Variants in BMS1 observed in about 807,000 individuals in gnomAD.
BMS1 encodes ribosome biogenesis protein BMS1 homolog.
BMS1 carries 53 observed loss-of-function variants against 138.7 expected under a neutral mutation model. That is an observed-to-expected ratio of 0.38 (90% CI 0.31 to 0.48). The LOEUF (loss-of-function observed/expected upper bound fraction) is 0.48. BMS1 is among the 20% of genes least tolerant of loss of function. The pLI is 0.97. For synonymous variants in BMS1, 504 were observed against 539.9 expected, an observed-to-expected ratio of 0.93 and a Z score of 0.92; for missense variants, 1,360 against 1,565.5, an observed-to-expected ratio of 0.87 and a Z score of 2.22.
intron 21 of BMS1, among the ~76,000 whole-genome samples, chr10:42,825,101 T>C (rs1160642565): frequency 3.3e-5 from 5 of 152,118 alleles, no homozygotes; most frequent in Non-Finnish European, 7.4e-5. Context: ...CTCTGCCTCC[T>C]GGATTCAAGC....
rs781293316 is a variant in BMS1 at position 42,791,733 on chromosome 10, C to T, written c.743C>T (p.Thr248Ile). Residue 248 changes from threonine to isoleucine, a missense_variant, in exon 6 of 23, where the codon ACA (threonine) becomes ATA (isoleucine). Coordinates refer to ENST00000374518, the MANE Select transcript of BMS1 (RefSeq NM_014753.4). The part of the protein sequence containing the change: ...FITVMKFRPL[T>I]WQTSHPYILA... ...ACAGTTATGAAGTTTAGGCCTCTCACATGGCAAACTTCTCACCCTTATATC... is the reference window on the plus strand; with the variant it reads ...ACAGTTATGAAGTTTAGGCCTCTCATATGGCAAACTTCTCACCCTTATATC... 1.8e-5 allele frequency: 29 copies of T among 1,613,126 alleles called. No individual in the cohort carries two copies. The highest frequency in any genetic ancestry group is 2.3e-5 in the Non-Finnish European group (27 of 1,179,668).
At chr10:42,820,784 C>T in intron 17 of BMS1, 96 bp downstream of exon 17, 2 of 1,476,018 alleles carry the variant, frequency 1.4e-6, no homozygotes, top group African/African-American at 1.4e-5. Context: ...AAATTCCACT[C>T]CTAAGATTTT....
chr10:42,808,567 G>A (rs1842080506), intron 13 of BMS1, among the ~76,000 whole-genome samples: 1 of 152,012 alleles, frequency 6.6e-6, no homozygotes, highest in Admixed American at 6.6e-5. Context: ...CCAAAGTGCT[G>A]GGATTACAGG....
rs1284346338 is a variant in BMS1, at chr10:42,833,069, T to A, written c.*1973T>A. Reference sequence around the variant, plus strand: ...GTATTTATAATTGTATAGTTTTATATTTTAGCCAGAAGAGTGGAATCCTTT... The same window carrying A: ...GTATTTATAATTGTATAGTTTTATAATTTAGCCAGAAGAGTGGAATCCTTT... On this transcript the variant is annotated 3_prime_UTR_variant, in exon 23 of 23. Coordinates refer to ENST00000374518, the MANE Select transcript of BMS1 (RefSeq NM_014753.4). 1 of 152,188 alleles carries A rather than the reference T, an allele frequency of 6.6e-6. No homozygotes were observed. The allele number at this position is 152,188 out of a possible 1,614,324, so 9.4% of individuals were successfully genotyped here. A position where few individuals can be genotyped will look rare whatever the true frequency, so the allele number is the denominator to read the frequency against.
chr10:42,809,919 GGGACTACAAGTGTGTGCTA>G (rs1432337256), intron 13 of BMS1, among the ~76,000 whole-genome samples: 2 of 151,510 alleles, frequency 1.3e-5, no homozygotes, highest in East Asian at 3.9e-4. Context: ...CCACGTAGCT[GGGACTACAAGTGTGTGCTA>G]TCATGTCTGG....
chr10:42,826,014 A>G (rs1842627689), intron 21 of BMS1, among the ~76,000 whole-genome samples: 1 of 152,220 alleles, frequency 6.6e-6, no homozygotes, highest in Admixed American at 6.5e-5. Context: ...TTCTGCATCA[A>G]TTGAGGTGAA....
At chr10:42,821,998 A>G in intron 18 of BMS1, 64 bp from the exon 19 acceptor site, 1 of 1,477,604 alleles carries the variant, frequency 6.8e-7, no homozygotes, top group Non-Finnish European at 9.3e-7. Context: ...ATTGTGTCAC[A>G]TAGAATTGAA....
chr10:42,831,518 A>T lies in BMS1; in HGVS notation c.*422A>T. ...AGAAGAGAAAGAAATATTCACTTGA[A>T]CTCTGAGCTCCCATGGAAGATTTTA... On this transcript the variant is annotated 3_prime_UTR_variant, in exon 23 of 23. Transcript: ENST00000374518. 1.2e-5 allele frequency: 2 copies of T among 171,310 alleles called. No individual in the cohort carries two copies. The highest frequency in any genetic ancestry group is 2.7e-4 in the South Asian group (2 of 7,312). The allele number at this position is 171,310 out of a possible 1,614,324, so 10.6% of individuals were successfully genotyped here.
At chr10:42,812,650 AC>A (rs1187034094) in intron 13 of BMS1, among the ~76,000 whole-genome samples, 1 of 152,140 alleles carries the variant, frequency 6.6e-6, no homozygotes, top group African/African-American at 2.4e-5. Context: ...AGTCACATAT[AC>A]CCACAGCTCA....
In BMS1 at chr10:42,820,579, G is replaced by A. The variant is rs1842478126; in HGVS notation, c.2841G>A (p.Gly947=). Residue 947 remains glycine, a synonymous_variant, in exon 17 of 23, where the codon GGG becomes GGA. Transcript: ENST00000374518. The part of the protein sequence containing the change: ...KSRDPIIFSV[G]WRRFQTIPLY... The stretch of plus-strand genomic sequence containing the variant: ...GAGATCCAATCATATTTTCTGTAGG[G>A]TGGAGGAGGTTTCAGACCATCCCAC... 1.2e-6 allele frequency: 2 copies of A among 1,611,532 alleles called. No homozygotes were observed.
intron 17 of BMS1, 38 bp from the exon 18 acceptor site, chr10:42,820,896 G>A (rs778828066): frequency 7.1e-6 from 11 of 1,559,732 alleles, no homozygotes; most frequent in Non-Finnish European, 8.8e-6. Context: ...TCTAAAATTT[G>A]TGGTTCGCTA....
At chr10:42,788,722 C>T (rs571887603) in intron 4 of BMS1, among the ~76,000 whole-genome samples, 1 of 152,298 alleles carries the variant, frequency 6.6e-6, no homozygotes, top group Admixed American at 6.5e-5. Flanking sequence ...AAGGAACACA[C>T]ACATTTGGTA....
intron 12 of BMS1, among the ~76,000 whole-genome samples, chr10:42,799,180 G>A (rs1413796209): frequency 2.0e-5 from 3 of 152,040 alleles, no homozygotes; most frequent in African/African-American, 7.2e-5. Context: ...CAAGTGTATG[G>A]CTCAATGCAG....
At chr10:42,825,078 G>A (rs955244129) in intron 21 of BMS1, among the ~76,000 whole-genome samples, 5 of 151,824 alleles carry the variant, frequency 3.3e-5, no homozygotes, top group African/African-American at 7.3e-5. Flanking sequence ...GCATAATCTC[G>A]GCTCACTGAA....
intron 13 of BMS1, among the ~76,000 whole-genome samples, chr10:42,807,852 GCA>G (rs57343279): frequency 0.21 from 31,807 of 152,030 alleles, 3,786 homozygotes; most frequent in Non-Finnish European, 0.28. Flanking sequence ...TATGGTAATT[GCA>G]CAGTTTCATA....
intron 13 of BMS1, among the ~76,000 whole-genome samples, chr10:42,814,859 G>A (rs1310317389): frequency 6.6e-6 from 1 of 152,084 alleles, no homozygotes; most frequent in East Asian, 1.9e-4. Context: ...TTCTTGTTAT[G>A]GGGAAGATTT....
intron 12 of BMS1, 70 bp downstream of exon 12, chr10:42,798,695 T>G: frequency 2.5e-6 from 4 of 1,574,262 alleles, no homozygotes; most frequent in Non-Finnish European, 3.5e-6. Context: ...TTATCTGATG[T>G]CAATATTGCT....
chr10:42,812,657 G>A (rs1842217621), intron 13 of BMS1, among the ~76,000 whole-genome samples: 2 of 152,220 alleles, frequency 1.3e-5, no homozygotes, highest in Admixed American at 1.3e-4. Flanking sequence ...TATACCCACA[G>A]CTCAGAGGAG....
At chr10:42,802,665 C>G (rs577070763) in intron 13 of BMS1, among the ~76,000 whole-genome samples, 7 of 151,776 alleles carry the variant, frequency 4.6e-5, no homozygotes, top group Non-Finnish European at 7.4e-5. Context: ...TGTGTTTAAA[C>G]CTTTTTAGTT....
Sources: allele counts gnomAD v4.1 joint callset (sites outside exome capture counted in the v4.1 genomes callset), GRCh38; gene constraint gnomAD v4.1.1; transcripts MANE v1.5; gene names NCBI Gene and HGNC (gene_info 2026-07-23, HGNC 2026-07-21).